The following CALD1 variants were observed in gnomAD, a reference collection of about 807,000 sequenced individuals.
CALD1 encodes caldesmon.
Under a neutral mutation model 99.9 loss-of-function variants are expected in CALD1, and 33 were observed. The ratio of observed to expected loss-of-function variants is 0.33; its 90% CI spans 0.25 to 0.44. CALD1 has a LOEUF of 0.44. Among genes scored for constraint, CALD1 ranks in the 20% least tolerant of loss-of-function variants. CALD1 has a pLI of 1.00. For synonymous variants in CALD1, 310 were observed against 325.0 expected (o/e 0.95, Z 0.50); for missense variants, 861 against 962.1 (o/e 0.89, Z 1.39).
chr7:134,904,404 A>T (rs1468118029), intron 3 of CALD1, among the ~76,000 whole-genome samples: 1 of 151,470 alleles, frequency 6.6e-6, no homozygotes, highest in Non-Finnish European at 1.5e-5. Context: ...AACATGGTGA[A>T]ATCTCGTCTC....
rs142583902 is a variant in CALD1 at position 134,867,753 on chromosome 7, G to T, written c.20G>T (p.Arg7Leu). 6.2e-7 allele frequency: 1 copy of T among 1,609,298 alleles called. No individual in the cohort carries two copies. Among genetic ancestry groups the T allele is most frequent in the South Asian group, 1.1e-5 (1 of 90,464 alleles). Residue 7 changes from arginine (R) to leucine (L), a missense_variant, in exon 3 of 15, where the codon CGC (arginine) becomes CTC (leucine). Arg to Leu is a moderately radical substitution (Grantham distance 102). Coordinates refer to ENST00000361675, the MANE Select transcript of CALD1 (RefSeq NM_033138.4). MDDFERRRELRRQKREE... is the reference protein window; with the variant it reads MDDFERLRELRRQKREE... ...CACACCATGGATGATTTTGAGCGTC[G>T]CAGAGAACTTAGAAGGCAAAAGAGG...
chr7:134,859,426 G>C (rs1800467034), intron 2 of CALD1, among the ~76,000 whole-genome samples: 1 of 152,156 alleles, frequency 6.6e-6, no homozygotes, highest in Non-Finnish European at 1.5e-5. Context: ...TGCCTATTCT[G>C]ATTTAGCATT....
chr7:134,773,654 T>C (rs1796894406), intron 1 of CALD1, among the ~76,000 whole-genome samples: 1 of 152,160 alleles, frequency 6.6e-6, no homozygotes, highest in Admixed American at 6.6e-5. Flanking sequence ...TTCTTTTCTG[T>C]TCTCTGAAAG....
chr7:134,846,325 G>A (rs3778851), intron 2 of CALD1, among the ~76,000 whole-genome samples: 21,110 of 152,074 alleles, frequency 0.14, 1,596 homozygotes, highest in African/African-American at 0.2. Flanking sequence ...CCTGCTGATT[G>A]TCCCACTCCA....
At chr7:134,949,907 CA>C (rs35356920) in intron 8 of CALD1, among the ~76,000 whole-genome samples, 46,939 of 137,598 alleles carry the variant, frequency 0.34, 7,449 homozygotes, top group African/African-American at 0.43. Flanking sequence ...GCTGATGAGC[CA>C]AAAAAAAAAA....
intron 2 of CALD1, among the ~76,000 whole-genome samples, chr7:134,852,129 A>G (rs1253281245): frequency 6.6e-6 from 1 of 152,194 alleles, no homozygotes; most frequent in Non-Finnish European, 1.5e-5. Flanking sequence ...GCCATATAGT[A>G]TTGATCACCA....
At chr7:134,713,914 G>A in the CALD1 span, among the ~76,000 whole-genome samples, 3 of 152,150 alleles carry the variant, frequency 2.0e-5, no homozygotes, top group Non-Finnish European at 4.4e-5. Flanking sequence ...CCAAATCTCA[G>A]GTCAACTTGT....
intron 1 of CALD1, among the ~76,000 whole-genome samples, chr7:134,773,780 TTCTGTG>T (rs1226348147): frequency 7.4e-6 from 1 of 134,766 alleles, no homozygotes; most frequent in Middle Eastern, 3.5e-3. Context: ...CCAACCTCTC[TTCTGTG>T]TGTGTGTGTG....
At chr7:134,778,894 C>G (rs549440101), upstream of CALD1, among the ~76,000 whole-genome samples, 2 of 152,290 alleles carry the variant, frequency 1.3e-5, no homozygotes, top group Admixed American at 1.3e-4. Flanking sequence ...GTGAGGATAT[C>G]CAAGCCTGTA....
intron 3 of CALD1, among the ~76,000 whole-genome samples, chr7:134,925,662 C>G (rs578092974): frequency 6.6e-6 from 1 of 152,228 alleles, no homozygotes; most frequent in East Asian, 1.9e-4. Context: ...CTCACTGTCA[C>G]GAGCACAGCA....
At chr7:134,831,282 G>A (rs1050528817) in intron 1 of CALD1, among the ~76,000 whole-genome samples, 3 of 152,086 alleles carry the variant, frequency 2.0e-5, no homozygotes, top group African/African-American at 7.2e-5. Flanking sequence ...CTCAGGGTGG[G>A]AAGGATGAAA....
At chr7:134,761,541 G>T (rs1305329412) in intron 1 of CALD1, among the ~76,000 whole-genome samples, 1 of 152,148 alleles carries the variant, frequency 6.6e-6, no homozygotes, top group Non-Finnish European at 1.5e-5. Flanking sequence ...AGTTTACAAA[G>T]CATGTTCACA....
chr7:134,852,698 T>C (rs1231850881), intron 2 of CALD1, among the ~76,000 whole-genome samples: 1 of 152,226 alleles, frequency 6.6e-6, no homozygotes, highest in Non-Finnish European at 1.5e-5. Flanking sequence ...CAAGTTCAAG[T>C]GAAATAGCCT....
At chr7:134,746,658 C>A (rs116539029) in intron 1 of CALD1, among the ~76,000 whole-genome samples, 2,835 of 152,250 alleles carry the variant, frequency 0.019, 104 homozygotes, top group African/African-American at 0.064. Flanking sequence ...GTAGAGAAAA[C>A]CTCAGTCTTT....
chr7:134,869,344 A>G (rs1800954896), intron 3 of CALD1, among the ~76,000 whole-genome samples: 1 of 152,238 alleles, frequency 6.6e-6, no homozygotes, highest in African/African-American at 2.4e-5. Context: ...CCATACAAGG[A>G]ATAGACAGAG....
intron 2 of CALD1, among the ~76,000 whole-genome samples, chr7:134,846,276 G>T (rs1439394647): frequency 6.6e-6 from 1 of 151,024 alleles, no homozygotes; most frequent in East Asian, 1.9e-4. Context: ...GGAGGGCTGT[G>T]CCTCTTTTGC....
chr7:134,760,172 AG>A (rs1380820464), intron 1 of CALD1, among the ~76,000 whole-genome samples: 1 of 152,234 alleles, frequency 6.6e-6, no homozygotes, highest in Non-Finnish European at 1.5e-5. Flanking sequence ...TCTGAGAGAT[AG>A]AAGGGCAAGA....
chr7:134,758,598 G>A (rs1264980475), intron 1 of CALD1, among the ~76,000 whole-genome samples: 1 of 151,882 alleles, frequency 6.6e-6, no homozygotes, highest in Non-Finnish European at 1.5e-5. Context: ...AGATGGGAAT[G>A]GTTAAAATGT....
At chr7:134,840,896 T>C (rs558066531) in intron 1 of CALD1, among the ~76,000 whole-genome samples, 2 of 152,250 alleles carry the variant, frequency 1.3e-5, no homozygotes, top group East Asian at 3.9e-4. Flanking sequence ...TAATAGATAT[T>C]ATTATGTAAT....
Sources: allele counts gnomAD v4.1 joint callset (sites outside exome capture counted in the v4.1 genomes callset), GRCh38; gene constraint gnomAD v4.1.1; transcripts MANE v1.5; gene names NCBI Gene and HGNC (gene_info 2026-07-23, HGNC 2026-07-21).